Variants in DRD3 observed in about 807,000 individuals in gnomAD.
DRD3 encodes the protein dopamine receptor D3.
Under a neutral mutation model 36.3 loss-of-function variants are expected in DRD3, and 19 were observed. The observed-to-expected ratio is 0.52, with a 90% CI of 0.36 to 0.77. The LOEUF (loss-of-function observed/expected upper bound fraction) is 0.77. Among genes scored for constraint, DRD3 ranks in the 30% least tolerant of loss-of-function variants. The pLI, the probability that DRD3 is intolerant of heterozygous loss-of-function variation, is 0.00. For missense variants in DRD3, 465 were observed against 505.3 expected (o/e 0.92, Z 0.77); for synonymous variants, 195 against 203.7 (o/e 0.96, Z 0.36).
chr3:114,128,782 G>T lies in DRD3; in HGVS notation c.1137C>A (p.Asn379Lys). The T allele has an allele frequency of 6.2e-7, 1 of 1,613,970 alleles. No individual in the cohort carries two copies. ...TWLGYVNSAL[N>K]PVIYTTFNIE... ...TATTGAAGGTGGTATAGATCACAGG[G>T]TTGAGGGCGCTATTCACGTAGCCCA... Residue 379 changes from asparagine (N) to lysine (K), a missense_variant, in exon 7 of 7, where the codon AAC becomes AAA. Asn to Lys is a moderately conservative substitution (Grantham distance 94). Coordinates refer to ENST00000383673, the MANE Select transcript of DRD3 (RefSeq NM_000796.6).
At chr3:114,137,127 T>G (rs1429180907) in intron 5 of DRD3, among the ~76,000 whole-genome samples, 1 of 152,218 alleles carries the variant, frequency 6.6e-6, no homozygotes, top group Admixed American at 6.5e-5. Context: ...TAGATATATG[T>G]GTGGGAATCA....
At chr3:114,189,040 C>G (rs895214103) in intron 1 of DRD3, among the ~76,000 whole-genome samples, 3 of 152,134 alleles carry the variant, frequency 2.0e-5, no homozygotes, top group Non-Finnish European at 1.5e-5. Context: ...TCCACTTGTA[C>G]GTATATTTTA....
At chr3:114,156,690 A>G (rs1263397173) in intron 3 of DRD3, among the ~76,000 whole-genome samples, 1 of 150,916 alleles carries the variant, frequency 6.6e-6, no homozygotes, top group Non-Finnish European at 1.5e-5. Context: ...CTGGCATTCA[A>G]TGTTTTCCAC....
chr3:114,164,845 G>A (rs1041779648), intron 2 of DRD3, among the ~76,000 whole-genome samples: 14 of 152,244 alleles, frequency 9.2e-5, no homozygotes, highest in East Asian at 1.9e-4. Context: ...TCCACCTCCC[G>A]GGTTCAAGTG....
At chr3:114,163,111 C>T (rs2077749200) in intron 2 of DRD3, among the ~76,000 whole-genome samples, 1 of 152,158 alleles carries the variant, frequency 6.6e-6, no homozygotes, top group Non-Finnish European at 1.5e-5. Flanking sequence ...CCTGATTCTG[C>T]CATGAAAATT....
intron 6 of DRD3, among the ~76,000 whole-genome samples, chr3:114,130,614 C>T (rs949738447): frequency 1.3e-5 from 2 of 151,842 alleles, no homozygotes; most frequent in African/African-American, 2.4e-5. Context: ...TTAGTAGAGA[C>T]GGGGTTTACC....
At chr3:114,186,362 G>C (rs2107901083) in intron 1 of DRD3, among the ~76,000 whole-genome samples, 1 of 152,224 alleles carries the variant, frequency 6.6e-6, no homozygotes, top group African/African-American at 2.4e-5. Flanking sequence ...CCCGACCTCA[G>C]GTGATCTGCC....
chr3:114,187,347 T>C (rs1262592677), intron 1 of DRD3, among the ~76,000 whole-genome samples: 2 of 152,244 alleles, frequency 1.3e-5, no homozygotes, highest in African/African-American at 4.8e-5. Flanking sequence ...TTTATCTTCA[T>C]ATCTTGTTTT....
upstream of DRD3, among the ~76,000 whole-genome samples, chr3:114,179,289 A>G (rs2077932321): frequency 6.6e-6 from 1 of 152,200 alleles, no homozygotes; most frequent in Non-Finnish European, 1.5e-5. Flanking sequence ...TTAAAACACA[A>G]TTGACAGGAT....
At chr3:114,190,627 C>T (rs2078006204) in intron 1 of DRD3, among the ~76,000 whole-genome samples, 1 of 150,632 alleles carries the variant, frequency 6.6e-6, no homozygotes, top group South Asian at 2.1e-4. Flanking sequence ...CTGCCCTGAA[C>T]AGCTTAGCAA....
intron 5 of DRD3, among the ~76,000 whole-genome samples, chr3:114,137,383 G>T (rs988804556): frequency 1.3e-5 from 2 of 152,224 alleles, no homozygotes; most frequent in Admixed American, 1.3e-4. Flanking sequence ...ATAGCCATGG[G>T]ACATGATAAT....
intron 5 of DRD3, among the ~76,000 whole-genome samples, chr3:114,132,321 C>T (rs2077438055): frequency 6.6e-6 from 1 of 152,098 alleles, no homozygotes; most frequent in South Asian, 2.1e-4. Flanking sequence ...AAACCAAACA[C>T]CACATGTTCT....
At chr3:114,194,821 C>T (rs895396235) in intron 1 of DRD3, among the ~76,000 whole-genome samples, 41 of 147,590 alleles carry the variant, frequency 2.8e-4, no homozygotes, top group Middle Eastern at 3.5e-3. Flanking sequence ...GGGCATCTTG[C>T]AAAGATTTTT....
At chr3:114,159,920 C>G in intron 2 of DRD3, 53 bp from the exon 3 acceptor site, 1 of 1,515,394 alleles carries the variant, frequency 6.6e-7, no homozygotes, top group Non-Finnish European at 9.2e-7. Flanking sequence ...GGAACGACAA[C>G]CCAGTTGGCC....
At chr3:114,152,207 C>G (rs1042528303) in intron 3 of DRD3, among the ~76,000 whole-genome samples, 4 of 152,122 alleles carry the variant, frequency 2.6e-5, no homozygotes, top group Non-Finnish European at 4.4e-5. Flanking sequence ...TCTTTTATCC[C>G]TCACCCCACT....
intron 1 of DRD3, among the ~76,000 whole-genome samples, chr3:114,187,366 C>T (rs2077981245): frequency 6.6e-6 from 1 of 152,206 alleles, no homozygotes. Flanking sequence ...TTTCAAGATA[C>T]TCAGCATGTA....
chr3:114,139,767 C>T (rs1577586185), intron 4 of DRD3, 71 bp from the exon 5 acceptor site: 1 of 1,456,478 alleles, frequency 6.9e-7, no homozygotes, highest in East Asian at 2.3e-5. Context: ...TAAAACACGG[C>T]TCCATGTCAC....
chr3:114,167,367 G>A (rs921893853), intron 2 of DRD3, among the ~76,000 whole-genome samples: 5 of 152,222 alleles, frequency 3.3e-5, no homozygotes, highest in Non-Finnish European at 5.9e-5. Flanking sequence ...AAGCTCTGGA[G>A]TGCAGACGGT....
intron 3 of DRD3, among the ~76,000 whole-genome samples, chr3:114,148,887 T>C (rs904559791): frequency 8.5e-5 from 13 of 152,208 alleles, no homozygotes; most frequent in Admixed American, 2.0e-4. Flanking sequence ...TAATTTTTTG[T>C]ATTTTAGCAG....
Sources: allele counts gnomAD v4.1 joint callset (sites outside exome capture counted in the v4.1 genomes callset), GRCh38; gene constraint gnomAD v4.1.1; transcripts MANE v1.5; gene names NCBI Gene and HGNC (gene_info 2026-07-23, HGNC 2026-07-21).